GALNT2: variants seen among roughly 807,000 people sequenced by gnomAD.
GALNT2 encodes the protein UDP-GalNAc:polypeptide N-acetylgalactosaminyltransferase 2.
Under a neutral mutation model 81.4 loss-of-function variants are expected in GALNT2, and 31 were observed. The observed-to-expected ratio is 0.38, with a 90% CI of 0.29 to 0.51. The LOEUF (loss-of-function observed/expected upper bound fraction) is 0.51. Ranked by LOEUF, GALNT2 falls within the 20% of genes least tolerant of loss-of-function variation. The pLI, the probability that GALNT2 is intolerant of heterozygous loss-of-function variation, is 0.87. For synonymous variants in GALNT2, 303 were observed against 287.4 expected, an observed-to-expected ratio of 1.05 and a Z score of -0.55; for missense variants, 629 against 765.7, an observed-to-expected ratio of 0.82 and a Z score of 2.11.
intron 1 of GALNT2, among the ~76,000 whole-genome samples, chr1:230,122,466 C>G (rs776792083): frequency 1.9e-4 from 29 of 152,286 alleles, no homozygotes; most frequent in South Asian, 1.2e-3. Context: ...CAAATCATAG[C>G]ATGTTGGGAC....
chr1:230,193,378 A>G lies in GALNT2; in HGVS notation c.221-9759A>G, dbSNP rs1335307221. On this transcript the variant is annotated intron_variant, in intron 2 of 15. Transcript: ENST00000366672. This position sits in a 1 kb window ranked among gnomAD's most constrained non-coding sequence, Gnocchi z 4.3. The stretch of plus-strand genomic sequence containing the variant: ...AGATGACAGCTCTTTGCCCAAGAGC[A>G]TATGTCCTGATCTGCTGCTGAAGGA... 1.3e-5 allele frequency among the ~76,000 whole-genome samples: 2 copies of G among 152,158 alleles called. No individual in the cohort carries two copies. The highest frequency in any genetic ancestry group is 2.4e-5 in the African/African-American group (1 of 41,422).
intron 2 of GALNT2, among the ~76,000 whole-genome samples, chr1:230,183,167 T>C (rs956437898): frequency 1.3e-5 from 2 of 152,206 alleles, no homozygotes; most frequent in African/African-American, 4.8e-5. Context: ...GTGTGTTGTT[T>C]TATTTATAGT....
intron 2 of GALNT2, among the ~76,000 whole-genome samples, chr1:230,201,600 C>T (rs138517502): frequency 6.6e-5 from 10 of 152,290 alleles, no homozygotes; most frequent in Middle Eastern, 3.4e-3. Context: ...GTCAACTGCA[C>T]GACCCAAGGG....
intron 3 of GALNT2, among the ~76,000 whole-genome samples, chr1:230,234,156 C>G (rs1326274597): frequency 6.6e-6 from 1 of 152,080 alleles, no homozygotes; most frequent in African/African-American, 2.4e-5. Context: ...GAGTTAATCT[C>G]TGGTTAATGT....
chr1:230,236,549 T>G (rs1433395325), intron 5 of GALNT2, 111 bp from the exon 6 acceptor site: 2 of 1,410,224 alleles, frequency 1.4e-6, no homozygotes, highest in Non-Finnish European at 2.0e-6. Context: ...GGTGCCTCTG[T>G]GATGCCCCAA....
chr1:230,222,830 T>C (rs1664591103), intron 3 of GALNT2, among the ~76,000 whole-genome samples: 1 of 152,192 alleles, frequency 6.6e-6, no homozygotes, highest in East Asian at 1.9e-4. Context: ...CTGTTGTTAT[T>C]GTTACTAAGA....
chr1:230,190,175 A>G (rs1663470512), intron 2 of GALNT2, among the ~76,000 whole-genome samples: 1 of 152,250 alleles, frequency 6.6e-6, no homozygotes. Flanking sequence ...TGTGTATTGT[A>G]CGTTTTAGAA....
At chr1:230,253,992 T>C (rs1665629987) in intron 10 of GALNT2, among the ~76,000 whole-genome samples, 2 of 152,198 alleles carry the variant, frequency 1.3e-5, no homozygotes, top group South Asian at 4.1e-4. Flanking sequence ...TGAAGTCCTG[T>C]CATTCACAGT....
chr1:230,092,294 C>G, intron 1 of GALNT2, among the ~76,000 whole-genome samples: 1 of 147,378 alleles, frequency 6.8e-6, no homozygotes, highest in East Asian at 2.0e-4. Flanking sequence ...TGAGTTCTTT[C>G]CTGGAAAGAT....
At chr1:230,203,022 C>T in intron 2 of GALNT2, 115 bp from the exon 3 acceptor site, 1 of 1,110,290 alleles carries the variant, frequency 9.0e-7, no homozygotes, top group Non-Finnish European at 1.3e-6. Context: ...TTAAAATGGC[C>T]ACTATATAAA....
At chr1:230,219,181 T>G (rs1664474095) in intron 3 of GALNT2, among the ~76,000 whole-genome samples, 1 of 152,250 alleles carries the variant, frequency 6.6e-6, no homozygotes, top group Non-Finnish European at 1.5e-5. Context: ...ATGATGATGA[T>G]TGAATTTCCT....
chr1:230,078,049 G>A (rs1659616727), intron 1 of GALNT2, among the ~76,000 whole-genome samples: 1 of 152,228 alleles, frequency 6.6e-6, no homozygotes, highest in African/African-American at 2.4e-5. Context: ...CATTGCCGAC[G>A]TCATTGATTG....
intron 1 of GALNT2, among the ~76,000 whole-genome samples, chr1:230,138,248 A>G (rs541507858): frequency 6.6e-6 from 1 of 152,204 alleles, no homozygotes; most frequent in Non-Finnish European, 1.5e-5. Context: ...AGGGCCAGGC[A>G]TGGTGGCTCA....
At chr1:230,200,913 C>T (rs1254297083) in intron 2 of GALNT2, among the ~76,000 whole-genome samples, 1 of 152,202 alleles carries the variant, frequency 6.6e-6, no homozygotes, top group Non-Finnish European at 1.5e-5. Context: ...TTAGAACCAG[C>T]TCATTGGAAT....
intron 14 of GALNT2, 127 bp downstream of exon 14, chr1:230,265,494 G>C: frequency 4.6e-6 from 6 of 1,295,640 alleles, no homozygotes; most frequent in Non-Finnish European, 4.3e-6. Flanking sequence ...GGAAGCACCT[G>C]GCTCCTGCTG....
intron 3 of GALNT2, among the ~76,000 whole-genome samples, chr1:230,233,062 C>T (rs114263248): frequency 2.6e-5 from 4 of 152,308 alleles, no homozygotes; most frequent in South Asian, 2.1e-4. Context: ...GAAGTAGTCA[C>T]GAGGGAAAAC....
chr1:230,179,338 A>G (rs1019411340), intron 2 of GALNT2, among the ~76,000 whole-genome samples: 2 of 152,308 alleles, frequency 1.3e-5, no homozygotes, highest in Admixed American at 6.5e-5. Context: ...TTGCTGGATC[A>G]TATGGTAAGA....
intron 3 of GALNT2, among the ~76,000 whole-genome samples, chr1:230,226,376 C>T (rs943421841): frequency 2.0e-5 from 3 of 152,236 alleles, no homozygotes; most frequent in African/African-American, 7.2e-5. Context: ...CACCCTCCCC[C>T]TGCCACCGAA....
At chr1:230,242,277 G>A (rs1481080893) in intron 6 of GALNT2, among the ~76,000 whole-genome samples, 2 of 152,042 alleles carry the variant, frequency 1.3e-5, no homozygotes, top group African/African-American at 4.8e-5. Flanking sequence ...AATTGTTACT[G>A]GAGCAAAGGT....
Sources: allele counts gnomAD v4.1 joint callset (sites outside exome capture counted in the v4.1 genomes callset), GRCh38; gene constraint gnomAD v4.1.1; non-coding constraint Gnocchi (gnomAD v3.1); transcripts MANE v1.5; gene names NCBI Gene and HGNC (gene_info 2026-07-23, HGNC 2026-07-21).